CCND3: variants seen among roughly 807,000 people sequenced by gnomAD.
The protein encoded by CCND3 is cyclin D3, also known as G1/S-specific cyclin-D3.
CCND3 carries 9 observed loss-of-function variants against 28.7 expected under a neutral mutation model. That is an observed-to-expected ratio of 0.31 (90% CI 0.19 to 0.55). The LOEUF (loss-of-function observed/expected upper bound fraction) is 0.55. Ranked by LOEUF, CCND3 falls within the 20% of genes least tolerant of loss-of-function variation. The pLI, the probability that CCND3 is intolerant of heterozygous loss-of-function variation, is 0.93. For synonymous variants in CCND3, 164 were observed against 163.9 expected, an observed-to-expected ratio of 1.00 and a Z score of 0.00; for missense variants, 315 against 385.8, an observed-to-expected ratio of 0.82 and a Z score of 1.54.
chr6:41,983,541 T>C (rs1265523589), intron 1 of CCND3, among the ~76,000 whole-genome samples: 1 of 151,872 alleles, frequency 6.6e-6, no homozygotes, highest in Non-Finnish European at 1.5e-5. Flanking sequence ...TTATTAACTA[T>C]AATCACCATG....
At chr6:42,033,575 C>T (rs1272578067) in intron 1 of CCND3, among the ~76,000 whole-genome samples, 4 of 150,740 alleles carry the variant, frequency 2.7e-5, no homozygotes, top group Non-Finnish European at 5.9e-5. Flanking sequence ...CAGCTGGGTG[C>T]AGTGGCTAAC....
intron 1 of CCND3, among the ~76,000 whole-genome samples, chr6:41,955,347 T>C (rs768860948): frequency 2.6e-5 from 4 of 152,024 alleles, no homozygotes; most frequent in Non-Finnish European, 4.4e-5. Flanking sequence ...AAGGGTAATA[T>C]GTTGTGATTA....
chr6:41,989,163 T>C (rs989913544), intron 1 of CCND3, among the ~76,000 whole-genome samples: 2 of 151,428 alleles, frequency 1.3e-5, no homozygotes, highest in Non-Finnish European at 2.9e-5. Flanking sequence ...ATCTCAACAA[T>C]AAGAAAACAA....
rs1395523636 is a variant in CCND3 at position 42,023,128 on chromosome 6, A to T, written c.-46+25373T>A. 2.6e-5 allele frequency among the ~76,000 whole-genome samples: 4 copies of T among 152,200 alleles called. 1 individual carries two copies. The highest frequency in any genetic ancestry group is 2.6e-4 in the Admixed American group (4 of 15,274). On this transcript the variant is annotated intron_variant, in intron 1 of 4. Transcript: ENST00000372988. ...CCATGAAAAATTTGAGTCACCCAACATGCATGTTCCTGGCTGAGGTGGGAC... is the reference window on the plus strand; with the variant it reads ...CCATGAAAAATTTGAGTCACCCAACTTGCATGTTCCTGGCTGAGGTGGGAC...
intron 1 of CCND3, among the ~76,000 whole-genome samples, chr6:42,034,092 G>A (rs1304829818): frequency 6.6e-6 from 1 of 151,930 alleles, no homozygotes; most frequent in Non-Finnish European, 1.5e-5. Flanking sequence ...CAAGGCTGTG[G>A]TGAGCTACGA....
At chr6:41,978,272 G>A (rs1762237114) in intron 1 of CCND3, among the ~76,000 whole-genome samples, 1 of 151,850 alleles carries the variant, frequency 6.6e-6, no homozygotes, top group South Asian at 2.1e-4. Flanking sequence ...TACTCGGGAG[G>A]CTGAGGCAGG....
chr6:41,951,573 C>CAA (rs1489585484), intron 1 of CCND3, among the ~76,000 whole-genome samples: 4,630 of 71,034 alleles, frequency 0.065, 369 homozygotes, highest in Non-Finnish European at 0.085. Flanking sequence ...CACACACACA[C>CAA]ACAAAAAAAA....
At position 41,950,250 on chromosome 6, in the gene CCND3, G is replaced by A. The variant is rs139509473; in HGVS notation, c.-45-9665C>T. Reference sequence around the variant, plus strand: ...AGACTGAGGTGCACACAGGGCCTCAGGTGTGGAAGGGTAACCTGCTACAGC... The same window carrying A: ...AGACTGAGGTGCACACAGGGCCTCAAGTGTGGAAGGGTAACCTGCTACAGC... On this transcript the variant is annotated intron_variant, in intron 1 of 4. Coordinates refer to the CCND3 transcript ENST00000372988. Among the ~76,000 whole-genome samples, 1,437 of 152,190 alleles carry A rather than the reference G, an allele frequency of 9.4e-3. 17 individuals are homozygous for A. The highest frequency in any genetic ancestry group is 0.025 in the African/African-American group (1,041 of 41,514).
intron 1 of CCND3, among the ~76,000 whole-genome samples, chr6:41,953,233 C>A (rs1438440760): frequency 6.7e-6 from 1 of 149,686 alleles, no homozygotes; most frequent in Non-Finnish European, 1.5e-5. Flanking sequence ...CCACTGCACT[C>A]CAGCCTGGGT....
chr6:41,940,670 A>T, intron 1 of CCND3, 85 bp from the exon 2 acceptor site: 1 of 971,700 alleles, frequency 1.0e-6, no homozygotes. Flanking sequence ...GTGAGGTGGG[A>T]TAGGGAGCAA....
chr6:41,984,812 T>G (rs1420460966), intron 1 of CCND3, among the ~76,000 whole-genome samples: 1 of 152,190 alleles, frequency 6.6e-6, no homozygotes, highest in Non-Finnish European at 1.5e-5. Context: ...TTCTAACAGG[T>G]GTGAGGCGAT....
In CCND3 at chr6:41,937,465, A is replaced by G. The variant is rs554847316; in HGVS notation, c.415-71T>C. 1.6e-5 allele frequency: 26 copies of G among 1,575,996 alleles called. 1 individual carries two copies. The South Asian group carries it at 2.6e-4, about 16-fold the overall frequency. The stretch of plus-strand genomic sequence containing the variant: ...GAGGAGGGAGCAAAGCAGAAGTCTC[A>G]AAGTCTCAGGCAGGGAAGCCCATCA... On this transcript the variant is annotated intron_variant, in intron 2 of 4. Coordinates refer to ENST00000372991, the MANE Select transcript of CCND3 (RefSeq NM_001760.5).
At position 41,938,538 on chromosome 6, in the gene CCND3, G is replaced by A. The variant is rs1775883785; in HGVS notation, c.415-1144C>T. ...ACTCCTAACTCAGCAGTAAACAGAAGGGACTCAGCTTCTAAGGAAGCATCT... is the reference window on the plus strand; with the variant it reads ...ACTCCTAACTCAGCAGTAAACAGAAAGGACTCAGCTTCTAAGGAAGCATCT... On this transcript the variant is annotated intron_variant, in intron 2 of 4. Transcript: ENST00000372991. The surrounding 1 kb of genome is among the most constrained non-coding windows in gnomAD (Gnocchi z 4.6). 6.6e-6 allele frequency among the ~76,000 whole-genome samples: 1 copy of A among 152,184 alleles called. No homozygotes were observed. Among genetic ancestry groups the A allele is most frequent in the African/African-American group, 2.4e-5 (1 of 41,434 alleles).
chr6:41,977,013 C>A (rs1762202804), intron 1 of CCND3, among the ~76,000 whole-genome samples: 2 of 152,166 alleles, frequency 1.3e-5, no homozygotes. Flanking sequence ...CTGTGCTGAT[C>A]CGCCTACATC....
chr6:41,969,587 T>C (rs553279274), intron 1 of CCND3, among the ~76,000 whole-genome samples: 23 of 151,840 alleles, frequency 1.5e-4, no homozygotes, highest in African/African-American at 5.3e-4. Flanking sequence ...AATACAAAAA[T>C]TAGCTGGGCG....
chr6:41,962,803 C>A (rs970093273), intron 1 of CCND3, among the ~76,000 whole-genome samples: 2 of 152,040 alleles, frequency 1.3e-5, no homozygotes, highest in African/African-American at 4.8e-5. Flanking sequence ...CAGGCTGGAG[C>A]GCCATGGCGC....
upstream of CCND3, among the ~76,000 whole-genome samples, chr6:41,942,204 C>T (rs3218087): frequency 6.9e-3 from 1,048 of 152,302 alleles, 13 homozygotes; most frequent in African/African-American, 0.022. Flanking sequence ...GAACGCTGCT[C>T]GAAAGCCTCA....
At chr6:41,956,977 G>T (rs1776454395) in intron 1 of CCND3, among the ~76,000 whole-genome samples, 1 of 152,194 alleles carries the variant, frequency 6.6e-6, no homozygotes, top group Non-Finnish European at 1.5e-5. Flanking sequence ...CTTGCAGTGA[G>T]CCAAGATCGC....
intron 1 of CCND3, among the ~76,000 whole-genome samples, chr6:42,044,500 G>A (rs1340866069): frequency 1.3e-5 from 2 of 152,200 alleles, no homozygotes; most frequent in African/African-American, 2.4e-5. Context: ...GTTTACAGGC[G>A]AAGGGGCTTT....
Sources: allele counts gnomAD v4.1 joint callset (sites outside exome capture counted in the v4.1 genomes callset), GRCh38; gene constraint gnomAD v4.1.1; non-coding constraint Gnocchi (gnomAD v3.1); transcripts MANE v1.5; gene names NCBI Gene and HGNC (gene_info 2026-07-23, HGNC 2026-07-21).